The following FNDC3A variants were observed in gnomAD, a reference collection of about 807,000 sequenced individuals.
FNDC3A encodes the protein fibronectin type-III domain-containing protein 3A.
Under a neutral mutation model 148.9 loss-of-function variants are expected in FNDC3A, and 32 were observed. That is an observed-to-expected ratio of 0.21 (90% CI 0.16 to 0.29). The LOEUF (loss-of-function observed/expected upper bound fraction) is 0.29. Ranked by LOEUF, FNDC3A falls within the 10% of genes least tolerant of loss-of-function variation. The pLI, the probability that FNDC3A is intolerant of heterozygous loss-of-function variation, is 1.00. For synonymous variants in FNDC3A, 472 were observed against 473.6 expected, an observed-to-expected ratio of 1.00 and a Z score of 0.04; for missense variants, 1,191 against 1,452.8, an observed-to-expected ratio of 0.82 and a Z score of 2.93.
chr13:49,110,993 G>C (rs1319860245), intron 3 of FNDC3A, among the ~76,000 whole-genome samples: 2 of 152,068 alleles, frequency 1.3e-5, no homozygotes, highest in African/African-American at 4.8e-5. Context: ...TCCATGATTG[G>C]GGTAAATCAT....
chr13:49,182,574 G>C (rs1042028492), intron 14 of FNDC3A, among the ~76,000 whole-genome samples: 19 of 151,542 alleles, frequency 1.3e-4, no homozygotes, highest in Admixed American at 8.5e-4. Flanking sequence ...CCCCACTTTG[G>C]ATGTAGTAAG....
chr13:49,095,855 C>T lies in FNDC3A; in HGVS notation c.176-18800C>T, dbSNP rs776186405. ...TTATATAACGTTATAAAGAAACTAC[C>T]GTGCATTTATCTACTGTCATTTACA... On this transcript the variant is annotated intron_variant, in intron 3 of 25. Transcript: ENST00000492622. Among the ~76,000 whole-genome samples, 12 of 152,132 alleles carry T rather than the reference C, an allele frequency of 7.9e-5. No individual in the cohort carries two copies. In the South Asian group the frequency reaches 1.0e-3, roughly 13 times the overall value.
chr13:49,149,473 A>G (rs1423926438), intron 8 of FNDC3A, among the ~76,000 whole-genome samples: 2 of 152,094 alleles, frequency 1.3e-5, no homozygotes, highest in African/African-American at 4.8e-5. Flanking sequence ...TTTGTCCTTC[A>G]TTATGTTGAT....
At chr13:48,975,844 G>C (rs938778569), upstream of FNDC3A, 1 of 151,572 alleles carries the variant, frequency 6.6e-6, no homozygotes, top group Non-Finnish European at 1.5e-5. Flanking sequence ...GGGGTTCGGG[G>C]TCCCGGCCGC....
At chr13:49,121,551 G>GTTTTTT (rs1881344005) in intron 4 of FNDC3A, among the ~76,000 whole-genome samples, 1 of 151,720 alleles carries the variant, frequency 6.6e-6, no homozygotes, top group Non-Finnish European at 1.5e-5. Context: ...AAATCAATCA[G>GTTTTTT]TTCAGGAGCT....
intron 5 of FNDC3A, among the ~76,000 whole-genome samples, chr13:49,133,144 T>C (rs1882134887): frequency 1.3e-5 from 2 of 152,186 alleles, no homozygotes; most frequent in East Asian, 1.9e-4. Context: ...GTTCAGTAGC[T>C]CTGGGTAGTG....
chr13:49,088,578 T>C (rs1260338948), intron 3 of FNDC3A, among the ~76,000 whole-genome samples: 1 of 152,252 alleles, frequency 6.6e-6, no homozygotes, highest in Non-Finnish European at 1.5e-5. Flanking sequence ...CAGTGTATTA[T>C]TTGAACCAGT....
chr13:49,094,527 A>G (rs1294668634), intron 3 of FNDC3A, among the ~76,000 whole-genome samples: 1 of 152,036 alleles, frequency 6.6e-6, no homozygotes, highest in Non-Finnish European at 1.5e-5. Context: ...TGCTTTTTAA[A>G]CCCATTACTT....
intron 23 of FNDC3A, chr13:49,201,225 A>C (rs1208537519): frequency 8.9e-6 from 2 of 225,330 alleles, no homozygotes; most frequent in South Asian, 1.1e-4. Context: ...GAACAGTTCA[A>C]GTGGGTAATG....
chr13:49,155,785 G>GT (rs1267500352), intron 8 of FNDC3A, among the ~76,000 whole-genome samples: 1 of 58,048 alleles, frequency 1.7e-5, no homozygotes, highest in Admixed American at 2.1e-4. Context: ...GTACCCAGTA[G>GT]TCATTCAGGA....
At chr13:49,162,464 A>G (rs939443566) in intron 8 of FNDC3A, among the ~76,000 whole-genome samples, 10 of 152,094 alleles carry the variant, frequency 6.6e-5, no homozygotes, top group African/African-American at 2.4e-4. Context: ...CCATCAGATC[A>G]TTTAAGGTCT....
chr13:49,059,744 A>C (rs923884452), intron 2 of FNDC3A, among the ~76,000 whole-genome samples: 3 of 152,234 alleles, frequency 2.0e-5, no homozygotes, highest in African/African-American at 7.2e-5. Flanking sequence ...GGCATGAGCC[A>C]TCACACCTGG....
chr13:49,026,735 G>A (rs1873742312), intron 2 of FNDC3A, among the ~76,000 whole-genome samples: 1 of 152,072 alleles, frequency 6.6e-6, no homozygotes, highest in Non-Finnish European at 1.5e-5. Flanking sequence ...GAACTCCTGG[G>A]CTCAAGTGAT....
Position 49,201,793 on chromosome 13 carries a change from A to G in FNDC3A, c.2988-7A>G, listed in dbSNP as rs761235021. ...TAAGGTTTATCTAATAGTTATTTCCATTTTAGGTTTGTATCCCTATACAGA... is the reference window on the plus strand; with the variant it reads ...TAAGGTTTATCTAATAGTTATTTCCGTTTTAGGTTTGTATCCCTATACAGA... On this transcript the variant is annotated splice_polypyrimidine_tract_variant and splice_region_variant and intron_variant, in intron 23 of 25. Coordinates refer to ENST00000492622, the MANE Select transcript of FNDC3A (RefSeq NM_001079673.2). The G allele has an allele frequency of 2.8e-6, 4 of 1,416,324 alleles. No individual in the cohort carries two copies. Among genetic ancestry groups the G allele is most frequent in the Non-Finnish European group, 2.8e-6 (3 of 1,060,132 alleles). 87.7% of individuals were successfully genotyped at this position (1,416,324 alleles called of 1,614,324 possible).
intron 5 of FNDC3A, among the ~76,000 whole-genome samples, chr13:49,133,195 C>T (rs1001890866): frequency 6.6e-6 from 1 of 152,154 alleles, no homozygotes; most frequent in Non-Finnish European, 1.5e-5. Flanking sequence ...AGGAGATGTT[C>T]ATGCTGTGCT....
chr13:49,186,435 A>G (rs181327536), intron 15 of FNDC3A, among the ~76,000 whole-genome samples: 2 of 152,352 alleles, frequency 1.3e-5, no homozygotes, highest in African/African-American at 4.8e-5. Context: ...TAAAACAAAC[A>G]TTTATCGAGC....
Position 49,136,506 on chromosome 13 carries a change from T to C in FNDC3A, c.665T>C (p.Ile222Thr), listed in dbSNP as rs199780475. Residue 222 changes from isoleucine to threonine, a missense_variant, in exon 6 of 26, where the codon ATA (isoleucine) becomes ACA (threonine). Coordinates refer to ENST00000492622, the MANE Select transcript of FNDC3A (RefSeq NM_001079673.2). Reference protein sequence around the residue: ...PSPINEHNGLIKGQIAGGINT... With the variant: ...PSPINEHNGLTKGQIAGGINT... ...CCCATTAATGAACATAATGGACTTATAAAAGGACAAATTGCTGGTGGTATA... is the reference window on the plus strand; with the variant it reads ...CCCATTAATGAACATAATGGACTTACAAAAGGACAAATTGCTGGTGGTATA... 1.9e-6 allele frequency: 3 copies of C among 1,613,894 alleles called. No homozygotes were observed. The highest frequency in any genetic ancestry group is 2.2e-5 in the South Asian group (2 of 91,090).
chr13:49,203,180 G>A lies in FNDC3A; in HGVS notation c.3178G>A (p.Asp1060Asn). Residue 1060 changes from aspartate (D) to asparagine (N), a missense_variant, in exon 25 of 26, where the codon GAT (aspartate) becomes AAT (asparagine). By Grantham distance (23) the Asp-to-Asn change is conservative (BLOSUM62 1). Coordinates refer to ENST00000492622, the MANE Select transcript of FNDC3A (RefSeq NM_001079673.2). ...AGCCCCCAAAATAGAGAAAGTAAAT[G>A]ATCACATTTGTGAAATTACATGGGA... ...LKAPKIEKVNDHICEITWECL... is the reference protein window; with the variant it reads ...LKAPKIEKVNNHICEITWECL... The A allele has an allele frequency of 6.2e-7, 1 of 1,602,136 alleles. No individual in the cohort carries two copies. Among genetic ancestry groups the A allele is most frequent in the Non-Finnish European group, 8.5e-7 (1 of 1,171,228 alleles).
At chr13:49,195,636 C>T (rs947472901) in intron 19 of FNDC3A, among the ~76,000 whole-genome samples, 2 of 152,094 alleles carry the variant, frequency 1.3e-5, no homozygotes, top group African/African-American at 4.8e-5. Flanking sequence ...TATTTATTAA[C>T]ATTTTTATTG....
Sources: gnomAD v4.1 joint callset for allele counts (sites outside exome capture counted in the v4.1 genomes callset) on GRCh38, gnomAD v4.1.1 for gene constraint, MANE v1.5 for transcripts, NCBI Gene and HGNC (gene_info 2026-07-23, HGNC 2026-07-21) for gene names.